CEP76: variants seen among roughly 807,000 people sequenced by gnomAD.
The protein encoded by CEP76 is centrosomal protein of 76 kDa.
CEP76 carries 55 observed loss-of-function variants against 83.3 expected under a neutral mutation model. That is an observed-to-expected ratio of 0.66 (90% CI 0.53 to 0.83). The LOEUF is 0.83. Ranked by LOEUF, CEP76 falls within the 40% of genes least tolerant of loss-of-function variation. The pLI, the probability that CEP76 is intolerant of heterozygous loss-of-function variation, is 0.00. For synonymous variants in CEP76, 270 were observed against 274.5 expected, an observed-to-expected ratio of 0.98 and a Z score of 0.16; for missense variants, 694 against 799.5, an observed-to-expected ratio of 0.87 and a Z score of 1.59.
intron 10 of CEP76, among the ~76,000 whole-genome samples, chr18:12,677,320 C>T (rs534832121): frequency 6.6e-6 from 1 of 152,032 alleles, no homozygotes; most frequent in South Asian, 2.1e-4. Context: ...TGTCTATAAT[C>T]CCAGTTATTC....
rs1485933402 is a variant in CEP76 at position 12,702,544 on chromosome 18, G to C, written c.5C>G (p.Ser2Trp). ...CTCGGAGGCTTTCTCCGGAGGCAGC[G>C]ACATGCTGGCAGCCGGCGTCTCCCC... M[S>W]LPPEKASELK... is the part of the protein sequence containing the mutation. Residue 2 changes from serine to tryptophan, a missense_variant, in exon 1 of 12, where the codon TCG becomes TGG. Physicochemically the swap from Ser to Trp is radical, Grantham distance 177. Coordinates refer to ENST00000262127, the MANE Select transcript of CEP76 (RefSeq NM_024899.4). 14 of 1,602,986 alleles carry C rather than the reference G, an allele frequency of 8.7e-6. No individual in the cohort carries two copies. Among genetic ancestry groups the C allele is most frequent in the Non-Finnish European group, 9.3e-6 (11 of 1,176,726 alleles).
chr18:12,692,315 CA>C (rs773752553), intron 6 of CEP76: 122 of 125,074 alleles, frequency 9.8e-4, no homozygotes, highest in Middle Eastern at 4.1e-3. Flanking sequence ...GACTCTATCT[CA>C]AAAAAAAAAA....
At position 12,691,387 on chromosome 18, in the gene CEP76, T is replaced by C. The variant is rs765492139; in HGVS notation, c.905A>G (p.Asn302Ser). 3.1e-6 allele frequency: 5 copies of C among 1,605,762 alleles called. No homozygotes were observed. The highest frequency in any genetic ancestry group is 2.2e-5 in the East Asian group (1 of 44,660). The change falls in exon 7 of 12, where the codon AAC (asparagine) becomes AGC (serine). Residue 302 changes from asparagine to serine, a missense_variant. By Grantham distance (46) the Asn-to-Ser change is conservative (BLOSUM62 1). Coordinates refer to ENST00000262127, the MANE Select transcript of CEP76 (RefSeq NM_024899.4). Reference protein sequence around the residue: ...REYLQIRPSHNSRLVKIFAQD... With the variant: ...REYLQIRPSHSSRLVKIFAQD... ...TGCAAAAATCTTAACCAGTCGTGAG[T>C]TGTGTGAGGGTCGAATTTGCAAATA...
In CEP76 at chr18:12,673,230, A is replaced by G; in HGVS notation, c.*135T>C. On this transcript the variant is annotated 3_prime_UTR_variant, in exon 12 of 12. Coordinates refer to ENST00000262127, the MANE Select transcript of CEP76 (RefSeq NM_024899.4). Reference sequence around the variant, plus strand: ...GATTTTTTTTAAACATTACCAGTCAAGTATATACAAAATTGAAGTATGCCA... The same window carrying G: ...GATTTTTTTTAAACATTACCAGTCAGGTATATACAAAATTGAAGTATGCCA... 2 of 1,422,806 alleles carry G rather than the reference A, an allele frequency of 1.4e-6. No homozygotes were observed. Among genetic ancestry groups the G allele is most frequent in the Non-Finnish European group, 1.8e-6 (2 of 1,090,264 alleles). 88.1% of individuals were successfully genotyped at this position (1,422,806 alleles called of 1,614,324 possible). A position where few individuals can be genotyped will look rare whatever the true frequency, so the allele number is the denominator to read the frequency against.
At chr18:12,662,149 G>A (rs1129214) in exon 13 of CEP76, 163,894 of 446,714 alleles carry the variant, frequency 0.37, 31,846 homozygotes, top group Non-Finnish European at 0.43. Flanking sequence ...CTGGACAAGT[G>A]CTCCTAAGAG....
intron 9 of CEP76, among the ~76,000 whole-genome samples, chr18:12,678,772 A>G (rs959089981): frequency 2.0e-5 from 3 of 152,038 alleles, no homozygotes; most frequent in Admixed American, 6.6e-5. Flanking sequence ...CCTGACCAAC[A>G]TGGTGAAACC....
At position 12,672,884 on chromosome 18, in the gene CEP76, T is replaced by TA. The variant is rs1372809238; in HGVS notation, c.*480dup. 1.0e-6 allele frequency: 1 copy of TA among 985,252 alleles called. No homozygotes were observed. Among genetic ancestry groups the TA allele is most frequent in the African/African-American group, 1.7e-5 (1 of 57,224 alleles). 61.0% of individuals were successfully genotyped at this position (985,252 alleles called of 1,614,324 possible). A position where few individuals can be genotyped will look rare whatever the true frequency, so the allele number is the denominator to read the frequency against. ...GACCACGAATAAACCACAAAAGTGG[T>TA]AATTCATTAACATTTATTTTCACCA... On this transcript the variant is annotated 3_prime_UTR_variant, in exon 12 of 12. Transcript: ENST00000262127.
chr18:12,685,627 A>G (rs1326004182), intron 8 of CEP76: 1 of 146,226 alleles, frequency 6.8e-6, no homozygotes, highest in African/African-American at 2.5e-5. Context: ...CAAGGCTTAT[A>G]TAAAATAGTA....
chr18:12,683,105 G>T (rs2039407500), intron 8 of CEP76, among the ~76,000 whole-genome samples: 1 of 150,646 alleles, frequency 6.6e-6, no homozygotes, highest in South Asian at 2.1e-4. Context: ...CAGCACTTTG[G>T]GAGGCTGAAG....
At chr18:12,683,809 G>C (rs2145033442) in intron 8 of CEP76, among the ~76,000 whole-genome samples, 1 of 151,402 alleles carries the variant, frequency 6.6e-6, no homozygotes. Flanking sequence ...AATGTTCATA[G>C]CATAATGCTT....
rs892489634 is a variant in CEP76 at position 12,664,545 on chromosome 18, G to A, written c.*1728-2376C>T. 2.2e-4 allele frequency among the ~76,000 whole-genome samples: 33 copies of A among 151,396 alleles called. No homozygotes were observed. In the East Asian group the frequency reaches 5.1e-3, roughly 23 times the overall value. On this transcript the variant is annotated intron_variant and NMD_transcript_variant, in intron 12 of 12. Coordinates refer to the CEP76 transcript ENST00000590143. ...AGCCTGGGTGACAGAGCGAGACTCC[G>A]TCTCAAAAAAAACAAAATTTGTAGA...
downstream of CEP76, among the ~76,000 whole-genome samples, chr18:12,668,346 C>T (rs1477701219): frequency 1.3e-5 from 2 of 151,890 alleles, no homozygotes; most frequent in Non-Finnish European, 2.9e-5. Context: ...AATCTCAGCA[C>T]TTTGGGAACC....
At chr18:12,682,277 T>A (rs1222057565) in intron 8 of CEP76, among the ~76,000 whole-genome samples, 1 of 151,728 alleles carries the variant, frequency 6.6e-6, no homozygotes, top group Non-Finnish European at 1.5e-5. Flanking sequence ...GCAGCCTTGA[T>A]GTCCCCAGCT....
chr18:12,690,746 C>T lies in CEP76; in HGVS notation c.933+613G>A, dbSNP rs542368967. ...CTGGGATTACAGGCGTGAGCCACCG[C>T]GCCTAGCTGACCTGACCATATATTT... On this transcript the variant is annotated intron_variant, in intron 7 of 11. Transcript: ENST00000262127. 6.6e-5 allele frequency among the ~76,000 whole-genome samples: 10 copies of T among 152,226 alleles called. No homozygotes were observed. The East Asian group carries it at 1.2e-3, about 18-fold the overall frequency.
chr18:12,680,529 G>A (rs1048919581), intron 9 of CEP76, 133 bp downstream of exon 9: 14 of 540,344 alleles, frequency 2.6e-5, no homozygotes, highest in Non-Finnish European at 4.0e-5. Flanking sequence ...CCTGGGAGGT[G>A]GAGGTTGCAG....
At chr18:12,696,085 T>C (rs1226630187) in intron 5 of CEP76, among the ~76,000 whole-genome samples, 1 of 152,216 alleles carries the variant, frequency 6.6e-6, no homozygotes, top group Non-Finnish European at 1.5e-5. Flanking sequence ...CTGCTACGAT[T>C]ATCATGTTAG....
At chr18:12,670,384 C>T (rs923026462), downstream of CEP76, 2 of 151,960 alleles carry the variant, frequency 1.3e-5, no homozygotes, top group Non-Finnish European at 2.9e-5. Flanking sequence ...ACTGAAATTA[C>T]CTTATTAAGT....
At chr18:12,667,576 A>G (rs893165455) in intron 12 of CEP76, among the ~76,000 whole-genome samples, 1 of 151,732 alleles carries the variant, frequency 6.6e-6, no homozygotes, top group Non-Finnish European at 1.5e-5. Flanking sequence ...CCTGGCCAAC[A>G]TGGTGAAACC....
chr18:12,675,171 C>T (rs1040943757), intron 10 of CEP76, among the ~76,000 whole-genome samples: 3 of 151,980 alleles, frequency 2.0e-5, no homozygotes, highest in Non-Finnish European at 4.4e-5. Context: ...CTGAGGTGGG[C>T]GGATCATGAG....
Sources: gnomAD v4.1 joint callset for allele counts (sites outside exome capture counted in the v4.1 genomes callset) on GRCh38, gnomAD v4.1.1 for gene constraint, MANE v1.5 for transcripts, NCBI Gene and HGNC (gene_info 2026-07-23, HGNC 2026-07-21) for gene names.